MYO1B: variants seen among roughly 807,000 people sequenced by gnomAD.
The protein encoded by MYO1B is myosin IB.
In MYO1B, 72 loss-of-function variants were observed where a neutral mutation model predicts 159.7. That is an observed-to-expected ratio of 0.45 (90% CI 0.37 to 0.55). MYO1B has a LOEUF of 0.55. MYO1B is among the 20% of genes least tolerant of loss of function. The pLI, the probability that MYO1B is intolerant of heterozygous loss-of-function variation, is 0.00. For missense variants in MYO1B, 1,062 were observed against 1,364.8 expected (o/e 0.78, Z 3.50); for synonymous variants, 468 against 473.8 (o/e 0.99, Z 0.16).
At chr2:191,284,736 G>A (rs1375845033) in intron 2 of MYO1B, among the ~76,000 whole-genome samples, 2 of 152,054 alleles carry the variant, frequency 1.3e-5, no homozygotes, top group East Asian at 1.9e-4. Context: ...GGGTTCAAAC[G>A]GTTCTTCTGC....
chr2:191,266,871 A>G (rs1191608553), intron 1 of MYO1B, among the ~76,000 whole-genome samples: 2 of 152,206 alleles, frequency 1.3e-5, no homozygotes, highest in Non-Finnish European at 2.9e-5. Context: ...ATATTTTGTC[A>G]TTCTCACTTT....
chr2:191,270,815 G>A (rs1157427325), intron 1 of MYO1B, among the ~76,000 whole-genome samples: 1 of 152,194 alleles, frequency 6.6e-6, no homozygotes, highest in African/African-American at 2.4e-5. Flanking sequence ...TAGTGATCTT[G>A]TTGGGAGCCA....
intron 18 of MYO1B, among the ~76,000 whole-genome samples, chr2:191,391,257 C>T (rs1371232872): frequency 6.6e-6 from 1 of 152,188 alleles, no homozygotes; most frequent in Admixed American, 6.5e-5. Flanking sequence ...GTTTCATGGG[C>T]CTAGGCAGGA....
At chr2:191,342,034 C>A (rs2125954512) in intron 5 of MYO1B, among the ~76,000 whole-genome samples, 1 of 152,218 alleles carries the variant, frequency 6.6e-6, no homozygotes, top group South Asian at 2.1e-4. Context: ...AGTTCTCTGT[C>A]TTAGCTTGGG....
At chr2:191,313,360 G>A (rs533881713) in intron 3 of MYO1B, among the ~76,000 whole-genome samples, 9 of 150,958 alleles carry the variant, frequency 6.0e-5, no homozygotes, top group Admixed American at 3.3e-4. Context: ...ACAGGTGTCC[G>A]CCACCACGCC....
intron 4 of MYO1B, among the ~76,000 whole-genome samples, chr2:191,338,712 T>C (rs1339395434): frequency 6.6e-6 from 1 of 152,214 alleles, no homozygotes; most frequent in Non-Finnish European, 1.5e-5. Flanking sequence ...TTCAGAGGAC[T>C]CAATGTAGCC....
At chr2:191,330,470 G>A (rs1691398676) in intron 4 of MYO1B, among the ~76,000 whole-genome samples, 1 of 152,184 alleles carries the variant, frequency 6.6e-6, no homozygotes, top group African/African-American at 2.4e-5. Flanking sequence ...TTCCTCTGAA[G>A]CCTGAAGAAT....
chr2:191,370,617 A>C (rs1202547217), intron 13 of MYO1B, among the ~76,000 whole-genome samples: 1 of 152,156 alleles, frequency 6.6e-6, no homozygotes, highest in Non-Finnish European at 1.5e-5. Context: ...TGCGTATTTA[A>C]ATTTCTAACC....
In MYO1B at chr2:191,326,584, G is replaced by A. The variant is rs560526577; in HGVS notation, c.252-3351G>A. ...ATCCTGAAAGAATAAATCCCTTTTA[G>A]CCTTTGTCTTCTATTAAAATTATAC... On this transcript the variant is annotated intron_variant, in intron 3 of 30. Coordinates refer to ENST00000392318, the MANE Select transcript of MYO1B (RefSeq NM_001130158.3). 3.4e-3 allele frequency among the ~76,000 whole-genome samples: 510 copies of A among 152,188 alleles called. 2 individuals carry two copies. Among genetic ancestry groups the A allele is most frequent in the Non-Finnish European group, 5.2e-3 (355 of 68,008 alleles).
chr2:191,348,410 G>A (rs920295550), intron 6 of MYO1B, among the ~76,000 whole-genome samples: 8 of 152,174 alleles, frequency 5.3e-5, no homozygotes, highest in African/African-American at 9.6e-5. Flanking sequence ...AGATTCTGTC[G>A]CCTCCTGTGG....
intron 13 of MYO1B, 187 bp from the exon 14 acceptor site, chr2:191,381,275 T>G: frequency 1.5e-6 from 1 of 665,592 alleles, no homozygotes; most frequent in South Asian, 1.6e-5. Context: ...TTCATTCACT[T>G]ACTCATGACC....
At chr2:191,285,743 A>C (rs1485566841) in intron 2 of MYO1B, among the ~76,000 whole-genome samples, 1 of 152,146 alleles carries the variant, frequency 6.6e-6, no homozygotes, top group African/African-American at 2.4e-5. Flanking sequence ...TGAAAGAAAC[A>C]AGGGGAGAAG....
intron 30 of MYO1B, among the ~76,000 whole-genome samples, chr2:191,417,800 A>T (rs1240971349): frequency 6.6e-6 from 1 of 152,206 alleles, no homozygotes; most frequent in Non-Finnish European, 1.5e-5. Flanking sequence ...TCTTGTTGTG[A>T]TTCTCCTGAG....
intron 1 of MYO1B, among the ~76,000 whole-genome samples, chr2:191,253,573 T>TAAAA (rs5837223): frequency 1.4e-5 from 2 of 147,516 alleles, no homozygotes; most frequent in Non-Finnish European, 3.0e-5. Context: ...TTTCACAACT[T>TAAAA]AAAAAAAAAA....
In MYO1B at chr2:191,253,797, G is replaced by A. The variant is rs768250506; in HGVS notation, c.-10+8171G>A. On this transcript the variant is annotated intron_variant, in intron 1 of 30. Transcript: ENST00000392318. The stretch of plus-strand genomic sequence containing the variant: ...GTGGGGCTTTTTTCTTTAATTTTGT[G>A]TTACTGAAATTGTGTTGCATTTAAA... Among the ~76,000 whole-genome samples the A allele has an allele frequency of 4.6e-5, 7 of 152,076 alleles. No individual in the cohort carries two copies. The South Asian group carries it at 8.3e-4, about 18-fold the overall frequency.
chr2:191,384,286 T>C (rs1695272954), intron 15 of MYO1B, among the ~76,000 whole-genome samples: 1 of 152,230 alleles, frequency 6.6e-6, no homozygotes, highest in Non-Finnish European at 1.5e-5. Flanking sequence ...ATAAGCCTTA[T>C]TATCCTGCAG....
chr2:191,412,698 G>A (rs1697320159), intron 27 of MYO1B, among the ~76,000 whole-genome samples: 2 of 152,330 alleles, frequency 1.3e-5, no homozygotes, highest in South Asian at 2.1e-4. Context: ...AGCTCAAAAT[G>A]AAGCTTATAG....
intron 29 of MYO1B, 129 bp downstream of exon 29, chr2:191,414,798 C>G: frequency 2.2e-6 from 2 of 900,000 alleles, no homozygotes; most frequent in East Asian, 3.1e-5. Flanking sequence ...ATATTCACCC[C>G]TATGTAAAAT....
intron 1 of MYO1B, among the ~76,000 whole-genome samples, chr2:191,267,856 A>G (rs899817021): frequency 6.6e-6 from 1 of 152,194 alleles, no homozygotes; most frequent in African/African-American, 2.4e-5. Flanking sequence ...CTGGTGTGTC[A>G]TCGAGGCTCT....
Sources: allele counts gnomAD v4.1 joint callset (sites outside exome capture counted in the v4.1 genomes callset), GRCh38; gene constraint gnomAD v4.1.1; transcripts MANE v1.5; gene names NCBI Gene and HGNC (gene_info 2026-07-23, HGNC 2026-07-21).